The following SMLR1 variants were observed in gnomAD, a reference collection of about 807,000 sequenced individuals.
SMLR1 encodes small leucine-rich protein 1.
A neutral mutation model predicts 6.1 loss-of-function variants in SMLR1; 3 were observed. That is an observed-to-expected ratio of 0.49 (90% CI 0.22 to 1.28). SMLR1 has a LOEUF of 1.28. Among genes scored for constraint, SMLR1 ranks in the 50% most tolerant of loss-of-function variants. SMLR1 has a pLI of 0.19. For missense variants in SMLR1, 126 were observed against 124.8 expected, an observed-to-expected ratio of 1.01 and a Z score of -0.05; for synonymous variants, 55 against 53.6, an observed-to-expected ratio of 1.03 and a Z score of -0.11.
chr6:130,829,472 C>T lies in SMLR1; in HGVS notation c.238+1821C>T, dbSNP rs911326301. On this transcript the variant is annotated intron_variant, in intron 1 of 1. Transcript: ENST00000541421. ...AGGGTATGGCCTGGCATCACAGGGG[C>T]TGATGCAGGGGAAATGCAGTCCAAG... Among the ~76,000 whole-genome samples the T allele has an allele frequency of 5.3e-5, 8 of 152,180 alleles. 1 individual carries two copies. Among genetic ancestry groups the T allele is most frequent in the African/African-American group, 1.9e-4 (8 of 41,440 alleles).
At chr6:130,827,739 G>T in intron 1 of SMLR1, 88 bp downstream of exon 1, 1 of 934,662 alleles carries the variant, frequency 1.1e-6, no homozygotes, top group Non-Finnish European at 1.6e-6. Flanking sequence ...AGTGTTTTCT[G>T]GCCAGGAGAA....
chr6:130,827,902 G>T (rs1774325923), intron 1 of SMLR1, among the ~76,000 whole-genome samples: 1 of 152,216 alleles, frequency 6.6e-6, no homozygotes, highest in African/African-American at 2.4e-5. Context: ...GCACCTCACA[G>T]ACATACTGTG....
Position 130,827,641 on chromosome 6 carries a change from A to G in SMLR1, c.228A>G (p.Lys76=), listed in dbSNP as rs1306823025. ...LLLLIAYFRI[K]LIEVNEELSQ... is the part of the protein sequence containing the mutation. The stretch of plus-strand genomic sequence containing the variant: ...TCCTCATCGCCTACTTCAGGATCAA[A>G]CTGATTGAGGGTAAGTGTGAGGCCA... Residue 76 remains lysine (K), a synonymous_variant, in exon 1 of 2, where the codon AAA becomes AAG. Coordinates refer to ENST00000541421, the MANE Select transcript of SMLR1 (RefSeq NM_001195597.2). 1 of 1,535,828 alleles carries G rather than the reference A, an allele frequency of 6.5e-7. No individual in the cohort carries two copies. Among genetic ancestry groups the G allele is most frequent in the Non-Finnish European group, 8.7e-7 (1 of 1,146,730 alleles).
chr6:130,829,020 G>A (rs997165488), intron 1 of SMLR1, among the ~76,000 whole-genome samples: 2 of 152,130 alleles, frequency 1.3e-5, no homozygotes, highest in Admixed American at 6.5e-5. Flanking sequence ...ATTCCCATCC[G>A]TAACACTCAC....
chr6:130,835,194 T>C lies in SMLR1; in HGVS notation c.*239T>C, dbSNP rs546148851. ...ACCAAGAATGGATTTCCTGGGTATA[T>C]ACACTGGACACATTGTAACTTTTTA... On this transcript the variant is annotated 3_prime_UTR_variant, in exon 2 of 2. Coordinates refer to ENST00000541421, the MANE Select transcript of SMLR1 (RefSeq NM_001195597.2). 8.8e-6 allele frequency: 4 copies of C among 454,916 alleles called. No individual in the cohort carries two copies. The highest frequency in any genetic ancestry group is 1.9e-5 in the African/African-American group (1 of 51,548). The allele number at this position is 454,916 out of a possible 1,614,324, so 28.2% of individuals were successfully genotyped here.
Position 130,834,991 on chromosome 6 carries a change from T to C in SMLR1, c.*36T>C, listed in dbSNP as rs1774606469. ...TTTCCAATAACTAAAGCACAATGAG[T>C]TTCTACTGGTCAGCAAGCAATGGCC... On this transcript the variant is annotated 3_prime_UTR_variant, in exon 2 of 2. Coordinates refer to ENST00000541421, the MANE Select transcript of SMLR1 (RefSeq NM_001195597.2). The C allele has an allele frequency of 2.7e-6, 4 of 1,495,666 alleles. No homozygotes were observed. The highest frequency in any genetic ancestry group is 1.4e-5 in the African/African-American group (1 of 72,070). The allele number at this position is 1,495,666 out of a possible 1,614,324, so 92.6% of individuals were successfully genotyped here.
At position 130,836,844 on chromosome 6, in the gene SMLR1, C is replaced by CCAG. The variant is rs1774686462; in HGVS notation, c.*1890_*1892dup. Reference sequence around the variant, plus strand: ...CTTTGCACTTCTCATTCTCATAGGTCCAGTTTAAGATCTCATTCAGTCCTG... The same window carrying CCAG: ...CTTTGCACTTCTCATTCTCATAGGTCCAGCAGTTTAAGATCTCATTCAGTCCTG... On this transcript the variant is annotated 3_prime_UTR_variant, in exon 2 of 2. Transcript: ENST00000541421. The CCAG allele has an allele frequency of 6.6e-6, 1 of 152,166 alleles. No individual in the cohort carries two copies. The highest frequency in any genetic ancestry group is 6.6e-5 in the Admixed American group (1 of 15,258). 9.4% of individuals were successfully genotyped at this position (152,166 alleles called of 1,614,324 possible).
At chr6:130,830,831 G>A (rs1186775220) in intron 1 of SMLR1, among the ~76,000 whole-genome samples, 1 of 152,170 alleles carries the variant, frequency 6.6e-6, no homozygotes, top group Non-Finnish European at 1.5e-5. Context: ...GTTTACAAAT[G>A]CCCTGGCAAT....
intron 1 of SMLR1, 100 bp from the exon 2 acceptor site, chr6:130,834,770 C>A: frequency 2.1e-6 from 2 of 949,404 alleles, no homozygotes; most frequent in Non-Finnish European, 3.2e-6. Flanking sequence ...CTCGCCAAGG[C>A]CACCAGTGTC....
Position 130,835,533 on chromosome 6 carries a change from T to C in SMLR1, c.*578T>C, listed in dbSNP as rs1774627427. The C allele has an allele frequency of 6.6e-6, 1 of 152,496 alleles. No homozygotes were observed. The highest frequency in any genetic ancestry group is 1.5e-5 in the Non-Finnish European group (1 of 68,300). The allele number at this position is 152,496 out of a possible 1,614,324, so 9.4% of individuals were successfully genotyped here. On this transcript the variant is annotated 3_prime_UTR_variant, in exon 2 of 2. Transcript: ENST00000541421. ...TCACAAATCATTATTGTCACAAATA[T>C]GCACAAAACAAGTGGAGTATCCCCA...
In SMLR1 at chr6:130,827,503, C is replaced by T. The variant is rs771878366; in HGVS notation, c.90C>T (p.Pro30=). 1.2e-5 allele frequency: 18 copies of T among 1,535,830 alleles called. No individual in the cohort carries two copies. In the South Asian group the frequency reaches 1.7e-4, roughly 14 times the overall value. ...ALVLSVTPMV[P]VGSVWLAMSS... The stretch of plus-strand genomic sequence containing the variant: ...TCCTGAGTGTGACTCCCATGGTCCC[C>T]GTGGGGTCTGTGTGGTTGGCAATGA... The change falls in exon 1 of 2, where the codon CCC becomes CCT. Residue 30 remains proline (P), a synonymous_variant. Transcript: ENST00000541421.
At chr6:130,832,092 C>A (rs1306298004) in intron 1 of SMLR1, among the ~76,000 whole-genome samples, 1 of 152,090 alleles carries the variant, frequency 6.6e-6, no homozygotes, top group Non-Finnish European at 1.5e-5. Context: ...CCTGCATCAG[C>A]CATTGTCATG....
chr6:130,834,839 C>T, intron 1 of SMLR1, 31 bp from the exon 2 acceptor site: 1 of 1,520,106 alleles, frequency 6.6e-7, no homozygotes, highest in South Asian at 1.2e-5. Context: ...TCAGATGTCT[C>T]CAAATTATTA....
intron 1 of SMLR1, among the ~76,000 whole-genome samples, chr6:130,829,706 CTT>C (rs774770616): frequency 2.0e-5 from 3 of 152,218 alleles, no homozygotes; most frequent in African/African-American, 4.8e-5. Context: ...CCAATAACCT[CTT>C]GTTTCTTCAC....
chr6:130,831,070 G>A (rs1004465288), intron 1 of SMLR1, among the ~76,000 whole-genome samples: 4 of 152,132 alleles, frequency 2.6e-5, no homozygotes, highest in Non-Finnish European at 4.4e-5. Context: ...GAACTCTCTC[G>A]GGGTCTGGAT....
intron 1 of SMLR1, among the ~76,000 whole-genome samples, chr6:130,834,653 C>A (rs965725549): frequency 6.6e-6 from 1 of 152,116 alleles, no homozygotes; most frequent in Non-Finnish European, 1.5e-5. Flanking sequence ...TTGCTCTAAC[C>A]AGGGCCATTC....
chr6:130,834,124 G>A (rs745900175), intron 1 of SMLR1, among the ~76,000 whole-genome samples: 1 of 152,118 alleles, frequency 6.6e-6, no homozygotes, highest in Non-Finnish European at 1.5e-5. Context: ...AGATCCCAAC[G>A]AATATGTGTC....
rs1209464672 is a variant in SMLR1 at position 130,835,055 on chromosome 6, C to T, written c.*100C>T. The T allele has an allele frequency of 1.1e-6, 1 of 930,944 alleles. No individual in the cohort carries two copies. Among genetic ancestry groups the T allele is most frequent in the African/African-American group, 1.6e-5 (1 of 60,630 alleles). 57.7% of individuals were successfully genotyped at this position (930,944 alleles called of 1,614,324 possible). A position where few individuals can be genotyped will look rare whatever the true frequency, so the allele number is the denominator to read the frequency against. ...ATAAAGTAGGTTGATAAACTAGAACCATAGCAAAATAGAAAGAATACTAAG... is the reference window on the plus strand; with the variant it reads ...ATAAAGTAGGTTGATAAACTAGAACTATAGCAAAATAGAAAGAATACTAAG... On this transcript the variant is annotated 3_prime_UTR_variant, in exon 2 of 2. Transcript: ENST00000541421.
rs115993203 is a variant in SMLR1 at position 130,828,049 on chromosome 6, C to T, written c.238+398C>T. 1.0e-4 allele frequency among the ~76,000 whole-genome samples: 10 copies of T among 100,310 alleles called. No homozygotes were observed. In the South Asian group the frequency reaches 2.9e-3, roughly 29 times the overall value. The allele number at this position is 100,310 out of a possible 152,430, so 65.8% of individuals were successfully genotyped here. A position where few individuals can be genotyped will look rare whatever the true frequency, so the allele number is the denominator to read the frequency against. ...GTGGCCATGTGTGTGCATGTCCGTGCGTGTGTATGCGCCCGTGTGTGCACA... is the reference window on the plus strand; with the variant it reads ...GTGGCCATGTGTGTGCATGTCCGTGTGTGTGTATGCGCCCGTGTGTGCACA... On this transcript the variant is annotated intron_variant, in intron 1 of 1. Transcript: ENST00000541421.
Sources: allele counts gnomAD v4.1 joint callset (sites outside exome capture counted in the v4.1 genomes callset), GRCh38; gene constraint gnomAD v4.1.1; transcripts MANE v1.5; gene names NCBI Gene and HGNC (gene_info 2026-07-23, HGNC 2026-07-21).